The following PALM3 variants were observed in gnomAD, a reference collection of about 807,000 sequenced individuals.
PALM3 encodes the protein paralemmin 3.
Under a neutral mutation model 27.9 loss-of-function variants are expected in PALM3, and 20 were observed. The ratio of observed to expected loss-of-function variants is 0.72; its 90% CI spans 0.50 to 1.04. PALM3 has a LOEUF of 1.04. Ranked by LOEUF, PALM3 falls within the 50% of genes least tolerant of loss-of-function variation. The pLI is 0.00. For missense variants in PALM3, 814 were observed against 869.4 expected (o/e 0.94, Z 0.80); for synonymous variants, 328 against 352.7 (o/e 0.93, Z 0.79).
At chr19:14,057,078 C>T (rs1976318507) in intron 3 of PALM3, among the ~76,000 whole-genome samples, 1 of 152,124 alleles carries the variant, frequency 6.6e-6, no homozygotes, top group Admixed American at 6.5e-5. Flanking sequence ...AGCTAGACTT[C>T]GGCTCCTCTC....
In PALM3 at chr19:14,062,030, C is replaced by T. The variant is rs772566304; in HGVS notation, c.-50G>A. On this transcript the variant is annotated 5_prime_UTR_variant, in exon 1 of 7. Coordinates refer to ENST00000669674, the MANE Select transcript of PALM3 (RefSeq NM_001145028.2). Reference sequence around the variant, plus strand: ...GTCTCCGAGTTCTGGACCCACCACCCGCTTGCCTGAAGGTGCCCCGGAGGC... The same window carrying T: ...GTCTCCGAGTTCTGGACCCACCACCTGCTTGCCTGAAGGTGCCCCGGAGGC... The T allele has an allele frequency of 4.7e-5, 46 of 981,158 alleles. No homozygotes were observed. Among genetic ancestry groups the T allele is most frequent in the Non-Finnish European group, 5.2e-5 (43 of 826,144 alleles). The allele number at this position is 981,158 out of a possible 1,614,324, so 60.8% of individuals were successfully genotyped here.
rs140885954 is a variant in PALM3, at chr19:14,061,912, C to T, written c.41+28G>A. 800 of 984,566 alleles carry T rather than the reference C, an allele frequency of 8.1e-4. 7 individuals carry two copies. In the South Asian group the frequency reaches 0.023, roughly 28 times the overall value. The allele number at this position is 984,566 out of a possible 1,614,324, so 61.0% of individuals were successfully genotyped here. A position where few individuals can be genotyped will look rare whatever the true frequency, so the allele number is the denominator to read the frequency against. ...GAGCCCCTCCCAAGGCCCTGCCCACCAGCCCCCCTGACCCCCCAGACACTT... is the reference window on the plus strand; with the variant it reads ...GAGCCCCTCCCAAGGCCCTGCCCACTAGCCCCCCTGACCCCCCAGACACTT... On this transcript the variant is annotated intron_variant, in intron 1 of 6. Coordinates refer to ENST00000669674, the MANE Select transcript of PALM3 (RefSeq NM_001145028.2).
chr19:14,061,715 C>T (rs1011652054), intron 1 of PALM3, among the ~76,000 whole-genome samples: 2 of 152,106 alleles, frequency 1.3e-5, no homozygotes, highest in Admixed American at 6.5e-5. Context: ...GGAAAATCCC[C>T]GAAGAGGAAG....
rs201934041 is a variant in PALM3, at chr19:14,055,064, G to C, written c.608C>G (p.Pro203Arg). ...GDSSEANGPC[P>R]SPIPTPEQGL... ...CTGCTCTGGAGTGGGGATGGGGCTG[G>C]GGCATGGGCCATTGGCTTCTGAGGA... The change falls in exon 7 of 7, where the codon CCC becomes CGC. Residue 203 changes from proline (P) to arginine (R), a missense_variant. By Grantham distance (103) the Pro-to-Arg change is moderately radical. Coordinates refer to ENST00000669674, the MANE Select transcript of PALM3 (RefSeq NM_001145028.2). The C allele has an allele frequency of 1.3e-6, 2 of 1,551,592 alleles. No individual in the cohort carries two copies. The highest frequency in any genetic ancestry group is 4.9e-5 in the East Asian group (2 of 40,916).
chr19:14,056,544 G>A (rs1233925039), intron 4 of PALM3, 31 bp from the exon 5 acceptor site: 6 of 1,548,504 alleles, frequency 3.9e-6, no homozygotes, highest in Admixed American at 3.9e-5. Flanking sequence ...CTAGGAGCTG[G>A]GCCCCCAGGC....
chr19:14,061,634 C>G (rs577141885), intron 1 of PALM3, among the ~76,000 whole-genome samples: 1 of 152,290 alleles, frequency 6.6e-6, no homozygotes, highest in South Asian at 2.1e-4. Flanking sequence ...TGACCCTGAC[C>G]TTCCCCACTC....
chr19:14,060,475 C>T (rs1055546922), intron 1 of PALM3, among the ~76,000 whole-genome samples: 7 of 152,000 alleles, frequency 4.6e-5, no homozygotes, highest in South Asian at 4.1e-4. Flanking sequence ...TTAGCTAGCC[C>T]GTAACACGTG....
rs1342253055 is a variant in PALM3 at position 14,054,730 on chromosome 19, C to T, written c.942G>A (p.Val314=). The part of the protein sequence containing the change: ...MGEIGRVPEV[V]QTSSPRLQER... ...CCTGGAGCCTAGGCGAGCTAGTCTG[C>T]ACGACCTCAGGGACCCTGCCTATCT... Residue 314 remains valine, a synonymous_variant, in exon 7 of 7, where the codon GTG becomes GTA. Coordinates refer to ENST00000669674, the MANE Select transcript of PALM3 (RefSeq NM_001145028.2). The T allele has an allele frequency of 1.9e-6, 3 of 1,551,744 alleles. No individual in the cohort carries two copies. Among genetic ancestry groups the T allele is most frequent in the Non-Finnish European group, 1.7e-6 (2 of 1,147,030 alleles).
At position 14,053,814 on chromosome 19, in the gene PALM3, C is replaced by T; in HGVS notation, c.1858G>A (p.Ala620Thr). The T allele has an allele frequency of 2.6e-6, 4 of 1,547,950 alleles. No individual in the cohort carries two copies. Among genetic ancestry groups the T allele is most frequent in the Non-Finnish European group, 3.5e-6 (4 of 1,145,228 alleles). The change falls in exon 7 of 7, where the codon GCC becomes ACC. Residue 620 changes from alanine (A) to threonine (T), a missense_variant. Physicochemically the swap from Ala to Thr is moderately conservative, Grantham distance 58. Transcript: ENST00000669674. The stretch of plus-strand genomic sequence containing the variant: ...GGGGTCTCTGCCAGAAGAGGTGTGG[C>T]ATCCCCCAAGGGGCCTTGGCCCTCA... ...AAEGQGPLGDATPLLAETPAP... is the reference protein window; with the variant it reads ...AAEGQGPLGDTTPLLAETPAP...
Position 14,055,046 on chromosome 19 carries a change from G to A in PALM3, c.626C>T (p.Pro209Leu). ...NGPCPSPIPT[P>L]EQGLSQRAVP... Reference sequence around the variant, plus strand: ...TGCCCTCTGACTTAGCCCCTGCTCTGGAGTGGGGATGGGGCTGGGGCATGG... The same window carrying A: ...TGCCCTCTGACTTAGCCCCTGCTCTAGAGTGGGGATGGGGCTGGGGCATGG... Residue 209 changes from proline to leucine, a missense_variant, in exon 7 of 7, where the codon CCA becomes CTA. Physicochemically the swap from Pro to Leu is moderately conservative, Grantham distance 98. Coordinates refer to ENST00000669674, the MANE Select transcript of PALM3 (RefSeq NM_001145028.2). 6.4e-7 allele frequency: 1 copy of A among 1,551,334 alleles called. No individual in the cohort carries two copies. The highest frequency in any genetic ancestry group is 8.7e-7 in the Non-Finnish European group (1 of 1,146,846).
chr19:14,059,086 G>A (rs1207059288), intron 2 of PALM3, 29 bp downstream of exon 2: 2 of 1,453,232 alleles, frequency 1.4e-6, no homozygotes, highest in Non-Finnish European at 1.8e-6. Flanking sequence ...GTTTGGGGGT[G>A]CCCAGGGCGC....
chr19:14,054,332 A>C lies in PALM3; in HGVS notation c.1340T>G (p.Leu447Trp), dbSNP rs1976252270. 2.6e-6 allele frequency: 4 copies of C among 1,551,164 alleles called. No individual in the cohort carries two copies. In the Middle Eastern group the frequency reaches 5.0e-4, roughly 194 times the overall value. The part of the protein sequence containing the change: ...VVERKGGEKK[L>W]ELESRGSAEK... The stretch of plus-strand genomic sequence containing the variant: ...TGCACTTCCTCTGCTCTCCAGCTCC[A>C]ACTTCTTCTCTCCTCCTTTCCTCTC... Residue 447 changes from leucine to tryptophan, a missense_variant, in exon 7 of 7, where the codon TTG (leucine) becomes TGG (tryptophan). Physicochemically the swap from Leu to Trp is moderately conservative, Grantham distance 61. Coordinates refer to ENST00000669674, the MANE Select transcript of PALM3 (RefSeq NM_001145028.2).
chr19:14,054,460 C>T lies in PALM3; in HGVS notation c.1212G>A (p.Glu404=), dbSNP rs1976256598. The change falls in exon 7 of 7, where the codon GAG becomes GAA. Residue 404 remains glutamate (E), a synonymous_variant. Coordinates refer to ENST00000669674, the MANE Select transcript of PALM3 (RefSeq NM_001145028.2). ...AEGAKTGGGE[E]TWEAEKRKAE... ...CTTTTCTCTTCTCTGCCTCCCAGGTCTCCTCGCCTCCTCCCGTCTTGGCCC... is the reference window on the plus strand; with the variant it reads ...CTTTTCTCTTCTCTGCCTCCCAGGTTTCCTCGCCTCCTCCCGTCTTGGCCC... 2 of 1,551,682 alleles carry T rather than the reference C, an allele frequency of 1.3e-6. No homozygotes were observed. The highest frequency in any genetic ancestry group is 1.7e-6 in the Non-Finnish European group (2 of 1,146,938).
rs562990142 is a variant in PALM3, at chr19:14,055,230, G to A, written c.446-4C>T. On this transcript the variant is annotated splice_polypyrimidine_tract_variant and splice_region_variant and intron_variant, in intron 6 of 6. Transcript: ENST00000669674. Reference sequence around the variant, plus strand: ...CTCTTGTTCAGATCAGTCTGGCCTGGGGGAGTCAGAGGTGGAGGGGAGAGG... The same window carrying A: ...CTCTTGTTCAGATCAGTCTGGCCTGAGGGAGTCAGAGGTGGAGGGGAGAGG... 1.4e-6 allele frequency: 2 copies of A among 1,446,428 alleles called. No individual in the cohort carries two copies. The highest frequency in any genetic ancestry group is 1.8e-6 in the Non-Finnish European group (2 of 1,105,508). The allele number at this position is 1,446,428 out of a possible 1,614,324, so 89.6% of individuals were successfully genotyped here.
chr19:14,055,545 G>T, intron 5 of PALM3, 120 bp from the exon 6 acceptor site: 1 of 939,550 alleles, frequency 1.1e-6, no homozygotes, highest in Non-Finnish European at 1.6e-6. Flanking sequence ...TTACCTTCAG[G>T]ATCAAACTCC....
Position 14,054,553 on chromosome 19 carries a change from C to G in PALM3, c.1119G>C (p.Val373=). 6.4e-7 allele frequency: 1 copy of G among 1,551,870 alleles called. No homozygotes were observed. Residue 373 remains valine (V), a synonymous_variant, in exon 7 of 7, where the codon GTG becomes GTC. Transcript: ENST00000669674. ...TLSEEWEELL[V]EGLEGPEVAG... ...CCACCTCGGGCCCTTCCAACCCCTC[C>G]ACCAGCAGCTCCTCCCACTCTTCAC...
chr19:14,059,018 G>T, intron 2 of PALM3, 97 bp downstream of exon 2: 1 of 1,195,860 alleles, frequency 8.4e-7, no homozygotes, highest in Non-Finnish European at 1.1e-6. Context: ...GGCGGGGCTG[G>T]AGCTGAGGGC....
At chr19:14,059,266 T>A in intron 1 of PALM3, 103 bp from the exon 2 acceptor site, 3 of 1,142,288 alleles carry the variant, frequency 2.6e-6, no homozygotes, top group Non-Finnish European at 3.5e-6. Flanking sequence ...CCCAGCACTT[T>A]GCCTCTGTTT....
chr19:14,060,384 C>T (rs1171609485), intron 1 of PALM3, among the ~76,000 whole-genome samples: 1 of 152,056 alleles, frequency 6.6e-6, no homozygotes. Context: ...TCTGCCTCCC[C>T]CTCCCTGCCT....
Sources: allele counts gnomAD v4.1 joint callset (sites outside exome capture counted in the v4.1 genomes callset), GRCh38; gene constraint gnomAD v4.1.1; transcripts MANE v1.5; gene names NCBI Gene and HGNC (gene_info 2026-07-23, HGNC 2026-07-21).